Variants in GKAP1 observed in about 807,000 individuals in gnomAD.
GKAP1 encodes G kinase-anchoring protein 1.
A neutral mutation model predicts 56.7 loss-of-function variants in GKAP1; 31 were observed. The ratio of observed to expected loss-of-function variants is 0.55; its 90% CI spans 0.41 to 0.74. GKAP1 has a LOEUF of 0.74. Among genes scored for constraint, GKAP1 ranks in the 30% least tolerant of loss-of-function variants. The pLI is 0.00. For synonymous variants in GKAP1, 151 were observed against 138.6 expected, an observed-to-expected ratio of 1.09 and a Z score of -0.63; for missense variants, 364 against 402.3, an observed-to-expected ratio of 0.90 and a Z score of 0.82.
At chr9:83,779,634 CACACACAT>C (rs1267617697) in intron 7 of GKAP1, among the ~76,000 whole-genome samples, 4 of 147,450 alleles carry the variant, frequency 2.7e-5, no homozygotes, top group African/African-American at 1.0e-4. Context: ...CACACACACA[CACACACAT>C]TCTAAAGTGA....
At chr9:83,779,925 G>A (rs1210014417) in intron 7 of GKAP1, among the ~76,000 whole-genome samples, 4 of 151,882 alleles carry the variant, frequency 2.6e-5, no homozygotes, top group South Asian at 2.1e-4. Context: ...ACAGTGAATG[G>A]TAAGAGAAGT....
At chr9:83,774,529 G>C (rs960414551) in intron 7 of GKAP1, among the ~76,000 whole-genome samples, 1 of 151,392 alleles carries the variant, frequency 6.6e-6, no homozygotes, top group African/African-American at 2.4e-5. Context: ...GGGAGGCAGA[G>C]GTTGCAGTAA....
At chr9:83,777,245 G>C (rs536666725) in intron 7 of GKAP1, among the ~76,000 whole-genome samples, 1 of 152,252 alleles carries the variant, frequency 6.6e-6, no homozygotes, top group South Asian at 2.1e-4. Flanking sequence ...GACATATGAT[G>C]ATCACTAAGA....
chr9:83,762,745 C>T (rs904464452), intron 8 of GKAP1, among the ~76,000 whole-genome samples: 3 of 152,124 alleles, frequency 2.0e-5, no homozygotes, highest in Non-Finnish European at 4.4e-5. Flanking sequence ...AACAAATCCA[C>T]ACACCTGAGG....
chr9:83,769,171 C>A (rs1028085228), intron 7 of GKAP1, among the ~76,000 whole-genome samples: 1 of 152,168 alleles, frequency 6.6e-6, no homozygotes, highest in African/African-American at 2.4e-5. Context: ...ACAGTAGAGA[C>A]ACATTTGGAA....
intron 4 of GKAP1, among the ~76,000 whole-genome samples, chr9:83,796,114 T>C (rs780052203): frequency 6.6e-6 from 1 of 152,178 alleles, no homozygotes; most frequent in East Asian, 1.9e-4. Context: ...TTTCTTTTTT[T>C]AGAGCTAGGG....
chr9:83,812,258 CGT>C (rs1944517249), intron 2 of GKAP1, among the ~76,000 whole-genome samples: 3 of 145,124 alleles, frequency 2.1e-5, no homozygotes, highest in South Asian at 4.3e-4. Flanking sequence ...TATATGTATA[CGT>C]ATATATACAC....
chr9:83,779,610 TATACACACAC>T (rs1186367975), intron 7 of GKAP1, among the ~76,000 whole-genome samples: 1 of 84,216 alleles, frequency 1.2e-5, no homozygotes, highest in Non-Finnish European at 2.5e-5. Flanking sequence ...TATATACACA[TATACACACAC>T]ACACACACAC....
intron 4 of GKAP1, among the ~76,000 whole-genome samples, chr9:83,791,229 C>T (rs1416434140): frequency 2.0e-5 from 3 of 151,908 alleles, no homozygotes; most frequent in South Asian, 2.1e-4. Flanking sequence ...GGTGAAACCC[C>T]GTCTCTACTA....
chr9:83,777,333 T>A (rs1171869772), intron 7 of GKAP1, among the ~76,000 whole-genome samples: 1 of 152,158 alleles, frequency 6.6e-6, no homozygotes, highest in Non-Finnish European at 1.5e-5. Context: ...GAAATGAGTA[T>A]CTATGAGATA....
chr9:83,748,066 G>A (rs1943324125), intron 10 of GKAP1, among the ~76,000 whole-genome samples: 1 of 152,066 alleles, frequency 6.6e-6, no homozygotes, highest in Admixed American at 6.6e-5. Context: ...GGCATACAAA[G>A]TGTACTGATC....
intron 2 of GKAP1, among the ~76,000 whole-genome samples, chr9:83,811,218 A>G (rs1944501978): frequency 6.6e-6 from 1 of 152,236 alleles, no homozygotes; most frequent in South Asian, 2.1e-4. Context: ...ACTCCATTGA[A>G]AAGTGTTTTG....
intron 2 of GKAP1, among the ~76,000 whole-genome samples, chr9:83,812,730 T>A (rs574247672): frequency 6.6e-6 from 1 of 151,852 alleles, no homozygotes; most frequent in South Asian, 2.1e-4. Context: ...AAGTTAAGCA[T>A]AATGTAATCA....
intron 8 of GKAP1, among the ~76,000 whole-genome samples, chr9:83,760,965 G>C (rs930557538): frequency 2.0e-5 from 3 of 150,800 alleles, no homozygotes; most frequent in African/African-American, 7.3e-5. Flanking sequence ...AACTAGAAAA[G>C]CAAGAGCAAA....
rs1554742349 is a variant in GKAP1, at chr9:83,779,528, T to TATGTGTACACATACAC, written c.585+853_585+854insGTGTATGTGTACACAT. Among the ~76,000 whole-genome samples, 32 of 125,628 alleles carry TATGTGTACACATACAC rather than the reference T, an allele frequency of 2.5e-4. 1 individual carries two copies. The highest frequency in any genetic ancestry group is 4.7e-4 in the Non-Finnish European group (28 of 59,786). 82.4% of individuals were successfully genotyped at this position (125,628 alleles called of 152,430 possible). A position where few individuals can be genotyped will look rare whatever the true frequency, so the allele number is the denominator to read the frequency against. ...ATATATGTGTATATATATACACGTG[T>TATGTGTACACATACAC]ATATGTGTATATATATACACGTGTA... On this transcript the variant is annotated intron_variant, in intron 7 of 12. Coordinates refer to ENST00000376371, the MANE Select transcript of GKAP1 (RefSeq NM_025211.4).
intron 3 of GKAP1, among the ~76,000 whole-genome samples, chr9:83,804,781 G>A (rs1379837735): frequency 9.6e-5 from 14 of 145,636 alleles, no homozygotes; most frequent in South Asian, 2.2e-4. Flanking sequence ...GCCTCTGCCC[G>A]GCCGCCCCTA....
chr9:83,778,951 T>C (rs373249929), intron 7 of GKAP1, among the ~76,000 whole-genome samples: 57 of 152,210 alleles, frequency 3.7e-4, no homozygotes, highest in South Asian at 1.2e-3. Context: ...ATCTTTAATA[T>C]ATTAAATAGG....
At chr9:83,751,488 G>A (rs1391971900) in intron 9 of GKAP1, among the ~76,000 whole-genome samples, 1 of 152,108 alleles carries the variant, frequency 6.6e-6, no homozygotes, top group Non-Finnish European at 1.5e-5. Context: ...AAAAAAAAGC[G>A]AAGAGAAATG....
chr9:83,796,524 G>C lies in GKAP1; in HGVS notation c.360+2661C>G, dbSNP rs528930100. Among the ~76,000 whole-genome samples, 28 of 152,184 alleles carry C rather than the reference G, an allele frequency of 1.8e-4. No homozygotes were observed. The South Asian group carries it at 3.3e-3, about 18-fold the overall frequency. On this transcript the variant is annotated intron_variant, in intron 4 of 12. Transcript: ENST00000376371. ...TCACTCTTGTTGCCCAGGCTGGAGT[G>C]CAATGGCACAATCTTGGCTCACAAC...
Sources: allele counts gnomAD v4.1 joint callset (sites outside exome capture counted in the v4.1 genomes callset), GRCh38; gene constraint gnomAD v4.1.1; transcripts MANE v1.5; gene names NCBI Gene and HGNC (gene_info 2026-07-23, HGNC 2026-07-21).